The following BABAM2 variants were observed in gnomAD, a reference collection of about 807,000 sequenced individuals.
BABAM2 encodes BRISC and BRCA1-A complex member 2.
BABAM2 carries 31 observed loss-of-function variants against 54.7 expected under a neutral mutation model. The observed-to-expected ratio is 0.57, with a 90% CI of 0.43 to 0.77. The LOEUF (loss-of-function observed/expected upper bound fraction) is 0.77. Among genes scored for constraint, BABAM2 ranks in the 30% least tolerant of loss-of-function variants. The probability of loss-of-function intolerance (pLI) is 0.00; values close to 1 mark genes in which losing one functional copy is unlikely to be tolerated. For missense variants in BABAM2, 364 were observed against 455.8 expected (o/e 0.80, Z 1.83); for synonymous variants, 167 against 162.9 (o/e 1.03, Z -0.19).
intron 10 of BABAM2, among the ~76,000 whole-genome samples, chr2:28,265,208 G>A (rs989915868): frequency 3.3e-5 from 5 of 152,232 alleles, no homozygotes; most frequent in Non-Finnish European, 5.9e-5. Flanking sequence ...AGGCCGAGGC[G>A]GAGGATCACC....
intron 7 of BABAM2, among the ~76,000 whole-genome samples, chr2:28,232,015 A>G (rs1383506434): frequency 6.6e-6 from 1 of 151,894 alleles, no homozygotes; most frequent in East Asian, 1.9e-4. Context: ...TATGTTGCCC[A>G]GGCTGGTCTC....
chr2:27,982,259 A>G (rs138896680), intron 3 of BABAM2, among the ~76,000 whole-genome samples: 31 of 152,048 alleles, frequency 2.0e-4, no homozygotes, highest in Middle Eastern at 3.4e-3. Flanking sequence ...CAAGTCCTTT[A>G]TTAGCTATGT....
rs1347080863 is a variant in BABAM2, at chr2:28,236,356, C to A, written c.681-846C>A. ...AAAAAAAGAATTTCTTTTTTTTTTT[C>A]TTTTTTTCTTTTTTCTTTTTTTTTT... On this transcript the variant is annotated intron_variant, in intron 7 of 11. Coordinates refer to ENST00000379624, the MANE Select transcript of BABAM2 (RefSeq NM_199191.3). Among the ~76,000 whole-genome samples, 12 of 147,030 alleles carry A rather than the reference C, an allele frequency of 8.2e-5. No individual in the cohort carries two copies. The East Asian group carries it at 2.4e-3, about 29-fold the overall frequency.
intron 7 of BABAM2, among the ~76,000 whole-genome samples, chr2:28,185,819 A>C (rs549859653): frequency 1.3e-5 from 2 of 152,238 alleles, no homozygotes; most frequent in South Asian, 4.1e-4. Context: ...CCATCAGGCC[A>C]TCTACAAAGA....
chr2:28,153,034 G>A (rs1315500312), intron 7 of BABAM2, among the ~76,000 whole-genome samples: 1 of 152,144 alleles, frequency 6.6e-6, no homozygotes, highest in Non-Finnish European at 1.5e-5. Flanking sequence ...AAACCCTGTG[G>A]TAATCACTTG....
At chr2:28,020,196 T>C (rs1361683256) in intron 4 of BABAM2, among the ~76,000 whole-genome samples, 1 of 152,210 alleles carries the variant, frequency 6.6e-6, no homozygotes, top group African/African-American at 2.4e-5. Context: ...ACTTTTTTAG[T>C]TGTGTAGAAG....
rs1252240881 is a variant in BABAM2, at chr2:27,901,463, C to A, written c.128+6779C>A. Among the ~76,000 whole-genome samples the A allele has an allele frequency of 2.6e-5, 4 of 152,194 alleles. 1 individual carries two copies. Among genetic ancestry groups the A allele is most frequent in the Non-Finnish European group, 5.9e-5 (4 of 68,024 alleles). On this transcript the variant is annotated intron_variant, in intron 2 of 11. Transcript: ENST00000379624. ...CATCTGCTGTGACATCTCATCCGCC[C>A]ACAACTACCTATTGCATTTTTTTGT...
chr2:28,303,216 G>A (rs1688247473), intron 11 of BABAM2, among the ~76,000 whole-genome samples: 1 of 152,012 alleles, frequency 6.6e-6, no homozygotes, highest in Non-Finnish European at 1.5e-5. Context: ...TTTTTTAAAT[G>A]AAATCTGTTT....
chr2:28,289,807 GGAAAGGAAAGGAGAAAGGAATAGCA>G (rs1318735402), intron 10 of BABAM2, among the ~76,000 whole-genome samples: 3 of 151,570 alleles, frequency 2.0e-5, no homozygotes, highest in South Asian at 2.1e-4. Context: ...AAAAAAGAAA[GGAAAGGAAAGGAGAAAGGAATAGCA>G]GAAAGGAAAG....
intron 9 of BABAM2, 99 bp from the exon 10 acceptor site, chr2:28,244,681 C>G (rs1682754602): frequency 1.8e-6 from 2 of 1,136,622 alleles, no homozygotes; most frequent in Non-Finnish European, 2.6e-6. Flanking sequence ...GTCAATAACC[C>G]TGACTTCACG....
chr2:28,244,253 A>G (rs1682715622), intron 9 of BABAM2, among the ~76,000 whole-genome samples: 1 of 152,174 alleles, frequency 6.6e-6, no homozygotes, highest in East Asian at 1.9e-4. Context: ...GCTCAAGAAG[A>G]AAAGTAATAT....
At chr2:27,916,718 A>G (rs1219398430) in intron 2 of BABAM2, among the ~76,000 whole-genome samples, 3 of 152,024 alleles carry the variant, frequency 2.0e-5, no homozygotes, top group Non-Finnish European at 4.4e-5. Context: ...CCTTCCCCTC[A>G]CTTGGCCAGA....
At chr2:27,924,721 C>G (rs541651755) in intron 2 of BABAM2, among the ~76,000 whole-genome samples, 12 of 152,226 alleles carry the variant, frequency 7.9e-5, no homozygotes, top group African/African-American at 2.9e-4. Flanking sequence ...AAACGAGCAC[C>G]CTCCTCTTGT....
chr2:28,110,899 G>T (rs571992403), intron 6 of BABAM2, among the ~76,000 whole-genome samples: 20 of 151,734 alleles, frequency 1.3e-4, no homozygotes, highest in Non-Finnish European at 2.5e-4. Context: ...CCATCCTAAT[G>T]GATTTGAGGT....
intron 7 of BABAM2, among the ~76,000 whole-genome samples, chr2:28,144,533 T>C (rs1671334010): frequency 1.3e-5 from 2 of 152,234 alleles, no homozygotes; most frequent in Admixed American, 1.3e-4. Context: ...TTGCATATTC[T>C]TCAGAACATG....
intron 4 of BABAM2, among the ~76,000 whole-genome samples, chr2:28,010,113 A>C (rs951994484): frequency 6.6e-6 from 1 of 152,230 alleles, no homozygotes; most frequent in Non-Finnish European, 1.5e-5. Context: ...AGTCTGGAAC[A>C]GTTGTTCATT....
intron 2 of BABAM2, among the ~76,000 whole-genome samples, chr2:27,926,366 A>G (rs570480036): frequency 3.3e-5 from 5 of 152,146 alleles, no homozygotes; most frequent in Admixed American, 1.3e-4. Flanking sequence ...GCCCAGATAT[A>G]TCAAGATTTC....
chr2:28,043,689 T>G (rs1255079373), intron 5 of BABAM2, among the ~76,000 whole-genome samples: 2 of 152,196 alleles, frequency 1.3e-5, no homozygotes, highest in Non-Finnish European at 1.5e-5. Flanking sequence ...CCAGAGTATG[T>G]TAGTTTTAGA....
chr2:28,245,088 A>G (rs760316572), intron 10 of BABAM2, among the ~76,000 whole-genome samples: 10 of 152,016 alleles, frequency 6.6e-5, no homozygotes, highest in Non-Finnish European at 1.0e-4. Flanking sequence ...GCCTGGAGAC[A>G]TTTTTGATTG....
Sources: allele counts gnomAD v4.1 joint callset (sites outside exome capture counted in the v4.1 genomes callset), GRCh38; gene constraint gnomAD v4.1.1; transcripts MANE v1.5; gene names NCBI Gene and HGNC (gene_info 2026-07-23, HGNC 2026-07-21).